CCDC178: variants seen among roughly 807,000 people sequenced by gnomAD.
The protein encoded by CCDC178 is coiled-coil domain-containing protein 178.
CCDC178 carries 126 observed loss-of-function variants against 117.4 expected under a neutral mutation model. The observed-to-expected ratio is 1.07, with a 90% CI of 0.93 to 1.24. The LOEUF is 1.24. Ranked by LOEUF, CCDC178 falls within the 50% of genes most tolerant of loss-of-function variation. CCDC178 has a pLI of 0.00. For synonymous variants in CCDC178, 283 were observed against 313.4 expected (o/e 0.90, Z 1.02); for missense variants, 1,030 against 986.9 (o/e 1.04, Z -0.59).
intron 21 of CCDC178, among the ~76,000 whole-genome samples, chr18:32,981,504 C>T (rs1413935831): frequency 6.6e-6 from 1 of 152,138 alleles, no homozygotes; most frequent in African/African-American, 2.4e-5. Flanking sequence ...TTATATATAA[C>T]TCTGTAAATT....
chr18:33,120,729 C>T (rs1186414899), intron 20 of CCDC178, among the ~76,000 whole-genome samples: 1 of 152,100 alleles, frequency 6.6e-6, no homozygotes, highest in Non-Finnish European at 1.5e-5. Flanking sequence ...CTTATTTTGA[C>T]ATGAATATGT....
chr18:33,004,171 A>C (rs759132988), intron 21 of CCDC178, among the ~76,000 whole-genome samples: 3 of 152,170 alleles, frequency 2.0e-5, no homozygotes, highest in African/African-American at 2.4e-5. Flanking sequence ...TAGAAAAAAC[A>C]ATCCTAAACT....
intron 21 of CCDC178, among the ~76,000 whole-genome samples, chr18:33,044,284 T>C (rs1382323981): frequency 2.0e-5 from 3 of 152,030 alleles, no homozygotes; most frequent in Non-Finnish European, 4.4e-5. Context: ...GGCTCATGGA[T>C]TGGAAGAATC....
chr18:33,106,197 C>T (rs2145117145), intron 20 of CCDC178, among the ~76,000 whole-genome samples: 1 of 151,632 alleles, frequency 6.6e-6, no homozygotes, highest in East Asian at 2.0e-4. Flanking sequence ...CTTTCTTTGT[C>T]CTAGGTCAGA....
intron 21 of CCDC178, among the ~76,000 whole-genome samples, chr18:33,079,414 A>C (rs1201370931): frequency 6.6e-6 from 1 of 152,246 alleles, no homozygotes; most frequent in African/African-American, 2.4e-5. Flanking sequence ...AACAAAACCA[A>C]AAGTTGACAA....
chr18:33,304,364 T>C (rs192077988), intron 11 of CCDC178, among the ~76,000 whole-genome samples: 1 of 152,338 alleles, frequency 6.6e-6, no homozygotes, highest in African/African-American at 2.4e-5. Flanking sequence ...TTCCACACAC[T>C]GTAGGCCTCT....
At chr18:32,975,982 C>T (rs2055020556) in intron 21 of CCDC178, among the ~76,000 whole-genome samples, 1 of 151,974 alleles carries the variant, frequency 6.6e-6, no homozygotes, top group African/African-American at 2.4e-5. Flanking sequence ...CATCATTATC[C>T]TCATTATGCA....
At chr18:32,998,707 T>C (rs2055567873) in intron 21 of CCDC178, among the ~76,000 whole-genome samples, 1 of 152,050 alleles carries the variant, frequency 6.6e-6, no homozygotes, top group Non-Finnish European at 1.5e-5. Context: ...TCACAGATGA[T>C]AATTCTAGAC....
chr18:33,300,160 A>G (rs1255163539), intron 11 of CCDC178, among the ~76,000 whole-genome samples: 1 of 152,070 alleles, frequency 6.6e-6, no homozygotes, highest in East Asian at 1.9e-4. Context: ...CACTCTTGCC[A>G]TGTGACATGC....
chr18:33,303,681 A>ATT (rs2062210817), intron 11 of CCDC178, among the ~76,000 whole-genome samples: 5 of 152,116 alleles, frequency 3.3e-5, no homozygotes, highest in Non-Finnish European at 7.4e-5. Flanking sequence ...TAGTTTTTAA[A>ATT]AAAAAAAAAA....
intron 21 of CCDC178, among the ~76,000 whole-genome samples, chr18:33,067,620 G>A (rs1449029830): frequency 6.6e-6 from 1 of 152,168 alleles, no homozygotes; most frequent in Admixed American, 6.5e-5. Flanking sequence ...TGAAGCGGGT[G>A]GATGACCTGA....
chr18:33,395,143 T>C (rs1299495736), intron 4 of CCDC178, among the ~76,000 whole-genome samples: 1 of 150,934 alleles, frequency 6.6e-6, no homozygotes, highest in Non-Finnish European at 1.5e-5. Flanking sequence ...TTTGATGACT[T>C]GTAAGTTTTA....
chr18:33,031,216 AC>A (rs1406079816), intron 21 of CCDC178, among the ~76,000 whole-genome samples: 1 of 147,594 alleles, frequency 6.8e-6, no homozygotes, highest in Non-Finnish European at 1.5e-5. Context: ...TCCTTTAATG[AC>A]TTTTTTACTA....
intron 20 of CCDC178, among the ~76,000 whole-genome samples, chr18:33,206,148 C>T (rs1405343452): frequency 1.3e-5 from 2 of 152,046 alleles, no homozygotes; most frequent in African/African-American, 4.8e-5. Flanking sequence ...CCAAAAAGGA[C>T]TCAAGGCAGC....
chr18:33,243,125 T>C (rs1042967994), intron 15 of CCDC178, among the ~76,000 whole-genome samples: 3 of 151,872 alleles, frequency 2.0e-5, no homozygotes. Flanking sequence ...TGGAGGACAT[T>C]ATGTTAAGTG....
chr18:33,418,173 T>C (rs938861083), intron 2 of CCDC178, among the ~76,000 whole-genome samples: 1 of 152,202 alleles, frequency 6.6e-6, no homozygotes, highest in African/African-American at 2.4e-5. Context: ...TTAAGTGGGA[T>C]GCAAGGCTGG....
At chr18:33,170,961 C>A (rs1027453223) in intron 20 of CCDC178, among the ~76,000 whole-genome samples, 1 of 152,128 alleles carries the variant, frequency 6.6e-6, no homozygotes, top group African/African-American at 2.4e-5. Flanking sequence ...CTATGTATTA[C>A]TTATCCATGC....
intron 18 of CCDC178, among the ~76,000 whole-genome samples, chr18:33,219,512 A>T (rs1241676683): frequency 6.6e-6 from 1 of 152,158 alleles, no homozygotes; most frequent in Admixed American, 6.6e-5. Context: ...AATAGCAAAG[A>T]CTTGGAACCA....
intron 22 of CCDC178, among the ~76,000 whole-genome samples, chr18:32,943,446 CT>C (rs1226024977): frequency 6.6e-6 from 1 of 151,952 alleles, no homozygotes; most frequent in Non-Finnish European, 1.5e-5. Flanking sequence ...GAAACTAGTG[CT>C]TCTTTTTTTT....
Sources: gnomAD v4.1 joint callset for allele counts (sites outside exome capture counted in the v4.1 genomes callset) on GRCh38, gnomAD v4.1.1 for gene constraint, MANE v1.5 for transcripts, NCBI Gene and HGNC (gene_info 2026-07-23, HGNC 2026-07-21) for gene names.